PUM1: variants seen among roughly 807,000 people sequenced by gnomAD.
PUM1 encodes the protein pumilio homolog 1.
Under a neutral mutation model 131.8 loss-of-function variants are expected in PUM1, and 13 were observed. The observed-to-expected ratio is 0.10, with a 90% CI of 0.06 to 0.16. The LOEUF is 0.16. Among genes scored for constraint, PUM1 ranks in the 10% least tolerant of loss-of-function variants. The pLI is 1.00. For missense variants in PUM1, 961 were observed against 1,512.4 expected (o/e 0.64, Z 6.05); for synonymous variants, 509 against 556.5 (o/e 0.91, Z 1.20).
chr1:30,978,113 T>C (rs1293663292), intron 9 of PUM1, among the ~76,000 whole-genome samples: 2 of 152,034 alleles, frequency 1.3e-5, no homozygotes, highest in African/African-American at 2.4e-5. Context: ...GGCGTGGTGG[T>C]GGGTGCCTGT....
Position 31,059,381 on chromosome 1 carries a change from G to A in PUM1, c.186C>T (p.Ser62=). 6.2e-7 allele frequency: 1 copy of A among 1,614,170 alleles called. No individual in the cohort carries two copies. The highest frequency in any genetic ancestry group is 2.2e-5 in the East Asian group (1 of 44,876). ...CTCCTATAGATCCTGGGACAGGGCT[G>A]GAGTGAGTCCCAGCTGCAAGAGCCT... ...ANQALAAGTH[S]SPVPGSIGVA... The change falls in exon 2 of 22, where the codon TCC becomes TCT. Residue 62 remains serine, a synonymous_variant. Transcript: ENST00000426105.
intron 1 of PUM1, among the ~76,000 whole-genome samples, chr1:31,065,337 G>C (rs1053725358): frequency 1.1e-4 from 17 of 152,246 alleles, no homozygotes; most frequent in African/African-American, 4.1e-4. Flanking sequence ...AAAATGTAGA[G>C]GCACGTCTAC....
intron 5 of PUM1, among the ~76,000 whole-genome samples, chr1:30,999,657 G>A (rs896798559): frequency 5.8e-5 from 8 of 138,772 alleles, no homozygotes; most frequent in Admixed American, 1.4e-4. Context: ...GCTGAACCAG[G>A]GTGCACAGAA....
rs187470615 is a variant in PUM1, at chr1:30,959,704, G to A, written c.2323+4970C>T. Among the ~76,000 whole-genome samples, 320 of 152,084 alleles carry A rather than the reference G, an allele frequency of 2.1e-3. 1 individual carries two copies. Among genetic ancestry groups the A allele is most frequent in the Middle Eastern group, 0.014 (4 of 294 alleles). ...AGGCAGATCATGAGGTCAGGAGATC[G>A]AGACCATCCTGGCTGACACTGTGAA... On this transcript the variant is annotated intron_variant, in intron 14 of 21. Coordinates refer to ENST00000426105, the MANE Select transcript of PUM1 (RefSeq NM_001020658.2).
chr1:30,973,315 T>C (rs1255295180), intron 10 of PUM1, among the ~76,000 whole-genome samples: 1 of 151,992 alleles, frequency 6.6e-6, no homozygotes, highest in Non-Finnish European at 1.5e-5. Context: ...CAAAAAATTC[T>C]TGTTTGGATC....
chr1:31,062,489 A>C (rs1644390438), intron 1 of PUM1, among the ~76,000 whole-genome samples: 1 of 151,986 alleles, frequency 6.6e-6, no homozygotes, highest in Non-Finnish European at 1.5e-5. Flanking sequence ...GTGTGGTGGC[A>C]CGCACCTGTA....
Position 30,968,545 on chromosome 1 carries a change from C to T in PUM1, c.1507-53G>A, listed in dbSNP as rs953681631. On this transcript the variant is annotated intron_variant, in intron 10 of 21. Coordinates refer to ENST00000426105, the MANE Select transcript of PUM1 (RefSeq NM_001020658.2). ...ACCACTTTCTTTTCATTGGAGAAGA[C>T]CTACCCTATGCTCAGGTTGGGTCAA... 4.6e-5 allele frequency: 72 copies of T among 1,560,332 alleles called. 1 individual carries two copies. The African/African-American group carries it at 9.0e-4, about 20-fold the overall frequency.
rs543737709 is a variant in PUM1, at chr1:30,939,389, G to GCC, written c.3242+1760_3242+1761dup. ...GGACTTGGGGGAAGGTTAAAACTGG[G>GCC]CCCCCCCGAACCCCTTCCGGCTCTC... On this transcript the variant is annotated intron_variant, in intron 20 of 21. Coordinates refer to ENST00000426105, the MANE Select transcript of PUM1 (RefSeq NM_001020658.2). Among the ~76,000 whole-genome samples the GCC allele has an allele frequency of 7.9e-4, 121 of 152,202 alleles. 1 individual carries two copies. The highest frequency in any genetic ancestry group is 2.8e-3 in the African/African-American group (115 of 41,530).
At chr1:30,934,874 T>C (rs1338520825) in intron 21 of PUM1, among the ~76,000 whole-genome samples, 3 of 152,220 alleles carry the variant, frequency 2.0e-5, no homozygotes, top group African/African-American at 7.2e-5. Flanking sequence ...CATTTTTTAT[T>C]GGATTTAACA....
intron 3 of PUM1, among the ~76,000 whole-genome samples, chr1:31,007,371 G>A (rs1402332984): frequency 2.0e-5 from 3 of 152,112 alleles, no homozygotes; most frequent in Non-Finnish European, 2.9e-5. Context: ...AGAATTACTC[G>A]CTTAACCCAT....
At chr1:31,044,686 A>C (rs1643911261) in intron 2 of PUM1, among the ~76,000 whole-genome samples, 1 of 152,024 alleles carries the variant, frequency 6.6e-6, no homozygotes, top group Non-Finnish European at 1.5e-5. Context: ...TGAACTATAT[A>C]TTTTTTTTAA....
intron 10 of PUM1, among the ~76,000 whole-genome samples, chr1:30,970,581 C>G (rs1168248123): frequency 6.6e-6 from 1 of 152,170 alleles, no homozygotes; most frequent in African/African-American, 2.4e-5. Context: ...GTGTTTCAAA[C>G]TACGTAGATA....
At chr1:30,968,767 G>A (rs983265073) in intron 10 of PUM1, among the ~76,000 whole-genome samples, 1 of 152,148 alleles carries the variant, frequency 6.6e-6, no homozygotes, top group Non-Finnish European at 1.5e-5. Flanking sequence ...TATCTCATCT[G>A]CCTCATAAAG....
intron 14 of PUM1, among the ~76,000 whole-genome samples, chr1:30,963,875 T>A (rs1330551918): frequency 6.6e-6 from 1 of 152,182 alleles, no homozygotes; most frequent in African/African-American, 2.4e-5. Flanking sequence ...AGCATTCAAT[T>A]TTCCCCATCT....
intron 20 of PUM1, among the ~76,000 whole-genome samples, chr1:30,940,063 T>C (rs540549755): frequency 3.4e-4 from 51 of 152,184 alleles, no homozygotes; most frequent in African/African-American, 1.1e-3. Context: ...AACAAAACAA[T>C]ATAAAGTCGT....
At chr1:30,987,175 A>G (rs1285473755) in intron 7 of PUM1, among the ~76,000 whole-genome samples, 1 of 151,824 alleles carries the variant, frequency 6.6e-6, no homozygotes, top group South Asian at 2.1e-4. Flanking sequence ...TGTTTGTAAC[A>G]TAATACAACC....
intron 6 of PUM1, among the ~76,000 whole-genome samples, chr1:30,993,333 C>A (rs1218529661): frequency 7.1e-6 from 1 of 141,438 alleles, no homozygotes; most frequent in Non-Finnish European, 1.5e-5. Context: ...CCAGGACATG[C>A]CTAAGATTTA....
intron 3 of PUM1, among the ~76,000 whole-genome samples, chr1:31,015,676 C>CTT (rs568144593): frequency 1.7e-5 from 2 of 119,244 alleles, no homozygotes; most frequent in Non-Finnish European, 1.8e-5. Flanking sequence ...CTTTTTTTTT[C>CTT]TTTTTTTTTT....
At chr1:31,021,183 T>C (rs1643013969) in intron 3 of PUM1, among the ~76,000 whole-genome samples, 1 of 152,218 alleles carries the variant, frequency 6.6e-6, no homozygotes, top group Non-Finnish European at 1.5e-5. Flanking sequence ...TGATTTATTG[T>C]TTGTCTTCTA....
Sources: gnomAD v4.1 joint callset for allele counts (sites outside exome capture counted in the v4.1 genomes callset) on GRCh38, gnomAD v4.1.1 for gene constraint, MANE v1.5 for transcripts, NCBI Gene and HGNC (gene_info 2026-07-23, HGNC 2026-07-21) for gene names.